Variants in SIRPB2 observed in about 807,000 individuals in gnomAD.
SIRPB2 encodes signal regulatory protein beta 2.
In SIRPB2, 18 loss-of-function variants were observed where a neutral mutation model predicts 27.1. The observed-to-expected ratio is 0.66, with a 90% CI of 0.46 to 0.98. The LOEUF (loss-of-function observed/expected upper bound fraction) is 0.98. SIRPB2 is among the 50% of genes least tolerant of loss of function. The probability of loss-of-function intolerance (pLI) is 0.00; values close to 1 mark genes in which losing one functional copy is unlikely to be tolerated. For synonymous variants in SIRPB2, 150 were observed against 164.6 expected, an observed-to-expected ratio of 0.91 and a Z score of 0.68; for missense variants, 420 against 417.4, an observed-to-expected ratio of 1.01 and a Z score of -0.06.
At chr20:1,486,561 A>G (rs1015785519) in intron 1 of SIRPB2, among the ~76,000 whole-genome samples, 11 of 152,282 alleles carry the variant, frequency 7.2e-5, no homozygotes, top group Non-Finnish European at 1.6e-4. Context: ...TTTACACAAA[A>G]TTTTAGTAAA....
At chr20:1,491,199 A>G (rs1408586079) in intron 1 of SIRPB2, 76 bp downstream of exon 1, 6 of 1,335,972 alleles carry the variant, frequency 4.5e-6, no homozygotes, top group African/African-American at 1.5e-5. Flanking sequence ...TTCTTCAGGC[A>G]TGGCAGAGCA....
At chr20:1,472,123 G>GC (rs2090582731), downstream of SIRPB2, among the ~76,000 whole-genome samples, 1 of 152,122 alleles carries the variant, frequency 6.6e-6, no homozygotes, top group East Asian at 1.9e-4. Flanking sequence ...TGGCCTGTTG[G>GC]CCCTTAGTGG....
intron 1 of SIRPB2, among the ~76,000 whole-genome samples, chr20:1,487,356 T>C (rs1309803808): frequency 6.6e-6 from 1 of 152,228 alleles, no homozygotes; most frequent in African/African-American, 2.4e-5. Context: ...AGATTCAATA[T>C]TGCTTAGATG....
At chr20:1,479,324 T>C (rs1186464842) in intron 2 of SIRPB2, 2 of 268,430 alleles carry the variant, frequency 7.5e-6, no homozygotes, top group Non-Finnish European at 7.2e-6. Flanking sequence ...CTTTGGTGCA[T>C]GGTGGAAGAC....
chr20:1,477,994 T>A, intron 3 of SIRPB2: 1 of 587,052 alleles, frequency 1.7e-6, no homozygotes. Context: ...GAATTATTAA[T>A]GATCTATACA....
chr20:1,485,043 C>T (rs1301070717), intron 1 of SIRPB2, among the ~76,000 whole-genome samples: 1 of 152,112 alleles, frequency 6.6e-6, no homozygotes, highest in African/African-American at 2.4e-5. Flanking sequence ...AAAAATTGAT[C>T]TCATGAAAGC....
At position 1,476,096 on chromosome 20, in the gene SIRPB2, G is replaced by A. The variant is rs2090603234; in HGVS notation, c.*71C>T. The A allele has an allele frequency of 6.4e-7, 1 of 1,555,790 alleles. No individual in the cohort carries two copies. Among genetic ancestry groups the A allele is most frequent in the African/African-American group, 1.4e-5 (1 of 72,196 alleles). On this transcript the variant is annotated 3_prime_UTR_variant, in exon 5 of 5. Transcript: ENST00000359801. ...TGGGGGCACCTAGAGGCTGGGACTGGAGGTAGGGAAATGGTTGAGGAGCCC... is the reference window on the plus strand; with the variant it reads ...TGGGGGCACCTAGAGGCTGGGACTGAAGGTAGGGAAATGGTTGAGGAGCCC...
intron 1 of SIRPB2, among the ~76,000 whole-genome samples, 184 bp downstream of exon 1, chr20:1,491,091 T>TTA (rs556031165): frequency 1.2e-4 from 19 of 152,330 alleles, no homozygotes; most frequent in African/African-American, 3.8e-4. Context: ...AGCTTATCAC[T>TTA]TCACTACGCT....
Position 1,479,866 on chromosome 20 carries a change from T to C in SIRPB2, c.285A>G (p.Val95=). 1 of 1,614,236 alleles carries C rather than the reference T, an allele frequency of 6.2e-7. No individual in the cohort carries two copies. Among genetic ancestry groups the C allele is most frequent in the Non-Finnish European group, 8.5e-7 (1 of 1,180,044 alleles). The stretch of plus-strand genomic sequence containing the variant: ...CTGATGTCCGTTGGATCATGGGCAT[T>C]ACCCCAGGGAAGGAGCCACGTTTAA... ...YNFKRGSFPG[V]MPMIQRTSEP... Residue 95 remains valine, a synonymous_variant, in exon 2 of 5, where the codon GTA becomes GTG. Transcript: ENST00000359801.
At chr20:1,486,913 A>C (rs895172953) in intron 1 of SIRPB2, among the ~76,000 whole-genome samples, 1 of 152,220 alleles carries the variant, frequency 6.6e-6, no homozygotes, top group African/African-American at 2.4e-5. Context: ...TTCCCTGCAG[A>C]TCAGGAACTA....
At chr20:1,478,962 C>G (rs1475407087) in intron 2 of SIRPB2, among the ~76,000 whole-genome samples, 1 of 152,224 alleles carries the variant, frequency 6.6e-6, no homozygotes, top group Non-Finnish European at 1.5e-5. Flanking sequence ...GCCAGTGAAG[C>G]CTTCCTGAAT....
intron 1 of SIRPB2, among the ~76,000 whole-genome samples, chr20:1,486,318 C>T (rs1343103055): frequency 6.6e-6 from 1 of 152,088 alleles, no homozygotes; most frequent in Non-Finnish European, 1.5e-5. Flanking sequence ...AGTGATTCGC[C>T]TGCCTCAGCC....
At chr20:1,472,279 C>T (rs1237899817), downstream of SIRPB2, among the ~76,000 whole-genome samples, 2 of 152,176 alleles carry the variant, frequency 1.3e-5, no homozygotes, top group Admixed American at 1.3e-4. Flanking sequence ...AGCAGGTTTC[C>T]CAGAGTCCCC....
intron 1 of SIRPB2, among the ~76,000 whole-genome samples, chr20:1,481,362 G>A (rs962794936): frequency 1.3e-5 from 2 of 152,008 alleles, no homozygotes; most frequent in African/African-American, 4.8e-5. Flanking sequence ...TGCTCACAGT[G>A]GTAAAGAAAC....
At chr20:1,477,143 A>C (rs751224946) in intron 4 of SIRPB2, 195 bp downstream of exon 4, 49 of 1,545,118 alleles carry the variant, frequency 3.2e-5, no homozygotes, top group Non-Finnish European at 4.3e-5. Flanking sequence ...GGCTATGAGA[A>C]AGTTCGTTAT....
At position 1,479,897 on chromosome 20, in the gene SIRPB2, T is replaced by C; in HGVS notation, c.254A>G (p.Tyr85Cys). Residue 85 changes from tyrosine (Y) to cysteine (C), a missense_variant, in exon 2 of 5, where the codon TAT becomes TGT. Transcript: ENST00000359801. ...AGGGAAGGAGCCACGTTTAAAGTTA[T>C]AAATTTCCTGTTGGTCCTGAGTGCT... ...KVSTQDQQEI[Y>C]NFKRGSFPGV... 1 of 1,614,222 alleles carries C rather than the reference T, an allele frequency of 6.2e-7. No homozygotes were observed. Among genetic ancestry groups the C allele is most frequent in the East Asian group, 2.2e-5 (1 of 44,888 alleles).
At position 1,476,232 on chromosome 20, in the gene SIRPB2, C is replaced by G; in HGVS notation, c.964G>C (p.Asp322His). 1 of 1,614,068 alleles carries G rather than the reference C, an allele frequency of 6.2e-7. No individual in the cohort carries two copies. ...ATSRRSPGQE[D>H]VKTTGPAGAM... Reference sequence around the variant, plus strand: ...CCTGCTGGGCCTGTGGTCTTGACATCTTCTTGCCCAGGGCTCCTCCGAGAG... The same window carrying G: ...CCTGCTGGGCCTGTGGTCTTGACATGTTCTTGCCCAGGGCTCCTCCGAGAG... The change falls in exon 5 of 5, where the codon GAT becomes CAT. Residue 322 changes from aspartate to histidine, a missense_variant. By Grantham distance (81) the Asp-to-His change is moderately conservative. Coordinates refer to ENST00000359801, the MANE Select transcript of SIRPB2 (RefSeq NM_001122962.2).
At chr20:1,482,348 T>C (rs1470413210) in intron 1 of SIRPB2, among the ~76,000 whole-genome samples, 1 of 152,216 alleles carries the variant, frequency 6.6e-6, no homozygotes, top group East Asian at 1.9e-4. Flanking sequence ...TATCTAACTG[T>C]GTGTTTGTAC....
Position 1,475,773 on chromosome 20 carries a change from T to A in SIRPB2, c.*394A>T. Reference sequence around the variant, plus strand: ...TGTAGATGGAGGGGCACAGATGGTCTGGCTGGTTGAGTTCAGAGATTCTTA... The same window carrying A: ...TGTAGATGGAGGGGCACAGATGGTCAGGCTGGTTGAGTTCAGAGATTCTTA... On this transcript the variant is annotated 3_prime_UTR_variant, in exon 5 of 5. Coordinates refer to ENST00000359801, the MANE Select transcript of SIRPB2 (RefSeq NM_001122962.2). 8.6e-6 allele frequency: 1 copy of A among 115,782 alleles called. No homozygotes were observed. Among genetic ancestry groups the A allele is most frequent in the South Asian group, 2.6e-4 (1 of 3,918 alleles). The allele number at this position is 115,782 out of a possible 1,614,324, so 7.2% of individuals were successfully genotyped here. A position where few individuals can be genotyped will look rare whatever the true frequency, so the allele number is the denominator to read the frequency against.
Sources: gnomAD v4.1 joint callset for allele counts (sites outside exome capture counted in the v4.1 genomes callset) on GRCh38, gnomAD v4.1.1 for gene constraint, MANE v1.5 for transcripts, NCBI Gene and HGNC (gene_info 2026-07-23, HGNC 2026-07-21) for gene names.